Variants in CSNK2A2IP observed in about 807,000 individuals in gnomAD.
CSNK2A2IP encodes the protein casein kinase 2 subunit alpha' interacting protein, also known as casein kinase II subunit alpha'-interacting protein.
chr3:88,437,399 T>C, the CSNK2A2IP span, among the ~76,000 whole-genome samples: 2 of 152,216 alleles, frequency 1.3e-5, no homozygotes, highest in African/African-American at 4.8e-5. Flanking sequence ...ATTCATGGCA[T>C]ACTGCCCTCA....
chr3:88,383,569 T>C, the CSNK2A2IP span, among the ~76,000 whole-genome samples: 5,707 of 152,228 alleles, frequency 0.037, 263 homozygotes, highest in African/African-American at 0.11. Flanking sequence ...AGTGGCGTTT[T>C]TTGTGCTTTG....
At chr3:88,376,744 C>T in the CSNK2A2IP span, among the ~76,000 whole-genome samples, 1 of 151,844 alleles carries the variant, frequency 6.6e-6, no homozygotes, top group African/African-American at 2.4e-5. Flanking sequence ...AGAGCCTCAA[C>T]ATTTGACCTT....
the CSNK2A2IP span, among the ~76,000 whole-genome samples, chr3:88,434,183 A>T: frequency 6.6e-6 from 1 of 152,104 alleles, no homozygotes; most frequent in Non-Finnish European, 1.5e-5. Context: ...GCCATCACAA[A>T]GTGACAAGAA....
chr3:88,351,019 A>C, the CSNK2A2IP span, among the ~76,000 whole-genome samples: 1 of 152,190 alleles, frequency 6.6e-6, no homozygotes, highest in African/African-American at 2.4e-5. Context: ...GCTAATCCTC[A>C]ACACAGAATT....
the CSNK2A2IP span, among the ~76,000 whole-genome samples, chr3:88,440,390 T>C: frequency 1.3e-5 from 2 of 152,116 alleles, no homozygotes; most frequent in Non-Finnish European, 2.9e-5. Flanking sequence ...AATACATATA[T>C]TGAATATAAT....
chr3:88,421,662 C>T, the CSNK2A2IP span, among the ~76,000 whole-genome samples: 346 of 152,222 alleles, frequency 2.3e-3, 2 homozygotes, highest in African/African-American at 7.6e-3. Context: ...GATGATCCAC[C>T]CACCTCGGCC....
chr3:88,389,587 A>T, the CSNK2A2IP span, among the ~76,000 whole-genome samples: 1 of 152,138 alleles, frequency 6.6e-6, no homozygotes, highest in African/African-American at 2.4e-5. Context: ...TAAAAAAGAC[A>T]CTCTGCTGAG....
At chr3:88,351,214 C>T in the CSNK2A2IP span, among the ~76,000 whole-genome samples, 1 of 151,888 alleles carries the variant, frequency 6.6e-6, no homozygotes, top group Non-Finnish European at 1.5e-5. Flanking sequence ...TTTTTCTTAT[C>T]CTTTAATAAC....
At chr3:88,446,234 G>A in the CSNK2A2IP span, among the ~76,000 whole-genome samples, 23 of 151,532 alleles carry the variant, frequency 1.5e-4, no homozygotes, top group Non-Finnish European at 2.1e-4. Flanking sequence ...GATTACAGGC[G>A]CATGCCACTA....
the CSNK2A2IP span, among the ~76,000 whole-genome samples, chr3:88,435,904 G>A: frequency 8.5e-4 from 25 of 29,384 alleles, 1 homozygote; most frequent in South Asian, 3.0e-3. Flanking sequence ...CACATTATGT[G>A]TGCATTATAT....
At chr3:88,341,732 T>C in the CSNK2A2IP span, among the ~76,000 whole-genome samples, 1 of 152,002 alleles carries the variant, frequency 6.6e-6, no homozygotes, top group African/African-American at 2.4e-5. Context: ...TCCTGAAGTA[T>C]TAATATCTGA....
At chr3:88,429,231 A>G in the CSNK2A2IP span, among the ~76,000 whole-genome samples, 1 of 151,874 alleles carries the variant, frequency 6.6e-6, no homozygotes, top group Non-Finnish European at 1.5e-5. Flanking sequence ...ATTTCCCTTC[A>G]CTTCTTGTGT....
chr3:88,408,194 T>A, the CSNK2A2IP span, among the ~76,000 whole-genome samples: 1 of 152,192 alleles, frequency 6.6e-6, no homozygotes, highest in African/African-American at 2.4e-5. Flanking sequence ...CAGTGTTCAA[T>A]GTCATGTCTA....
chr3:88,413,240 A>C, the CSNK2A2IP span, among the ~76,000 whole-genome samples: 1 of 152,018 alleles, frequency 6.6e-6, no homozygotes, highest in African/African-American at 2.4e-5. Context: ...TTGAAAAAAC[A>C]TCAGATATAT....
the CSNK2A2IP span, among the ~76,000 whole-genome samples, chr3:88,348,488 A>G: frequency 1.3e-5 from 2 of 152,080 alleles, no homozygotes; most frequent in Non-Finnish European, 2.9e-5. Context: ...TATAGAAAAT[A>G]TATATATTTG....
At chr3:88,464,828 C>A in the CSNK2A2IP span, among the ~76,000 whole-genome samples, 26 of 152,038 alleles carry the variant, frequency 1.7e-4, no homozygotes, top group Non-Finnish European at 3.7e-4. Context: ...TATCTTGGCA[C>A]TGTTAGAATA....
the CSNK2A2IP span, chr3:88,465,438 A>G: frequency 8.1e-6 from 10 of 1,231,590 alleles, no homozygotes; most frequent in African/African-American, 1.6e-5. Context: ...ATACATTAAC[A>G]CATCAACATA....
chr3:88,412,493 A>C, the CSNK2A2IP span, among the ~76,000 whole-genome samples: 1 of 151,944 alleles, frequency 6.6e-6, no homozygotes, highest in African/African-American at 2.4e-5. Context: ...CTGTTTTGTA[A>C]TAAGTTTCAG....
the CSNK2A2IP span, among the ~76,000 whole-genome samples, chr3:88,402,811 C>T: frequency 6.6e-5 from 10 of 152,088 alleles, no homozygotes; most frequent in African/African-American, 9.6e-5. Flanking sequence ...GATGATTGCA[C>T]GGAATAGAAT....
Sources: gnomAD v4.1 joint callset for allele counts (sites outside exome capture counted in the v4.1 genomes callset) on GRCh38, gnomAD v4.1.1 for gene constraint, MANE v1.5 for transcripts, NCBI Gene and HGNC (gene_info 2026-07-23, HGNC 2026-07-21) for gene names.